The following WNK1 variants were observed in gnomAD, a reference collection of about 807,000 sequenced individuals.
WNK1 encodes the protein serine/threonine-protein kinase WNK1.
A neutral mutation model predicts 222.8 loss-of-function variants in WNK1; 38 were observed. The observed-to-expected ratio is 0.17, with a 90% confidence interval of 0.13 to 0.22. The LOEUF (loss-of-function observed/expected upper bound fraction) is 0.22. Among genes scored for constraint, WNK1 ranks in the 10% least tolerant of loss-of-function variants. WNK1 has a pLI of 1.00. For missense variants in WNK1, 2,348 were observed against 2,918.4 expected, an observed-to-expected ratio of 0.80 and a Z score of 4.50; for synonymous variants, 1,090 against 1,092.9, an observed-to-expected ratio of 1.00 and a Z score of 0.05.
chr12:766,570 C>T (rs538752862), intron 1 of WNK1, among the ~76,000 whole-genome samples: 7 of 151,944 alleles, frequency 4.6e-5, no homozygotes, highest in Admixed American at 1.3e-4. Context: ...CCTCCGCCTC[C>T]TGGGTTCAAG....
At chr12:836,727 C>G (rs1011970156) in intron 4 of WNK1, among the ~76,000 whole-genome samples, 1 of 152,154 alleles carries the variant, frequency 6.6e-6, no homozygotes, top group African/African-American at 2.4e-5. Flanking sequence ...ATTACATAAT[C>G]AAGTCATAGG....
In WNK1 at chr12:884,556, A is replaced by G. The variant is rs530132704; in HGVS notation, c.3845-93A>G. The G allele has an allele frequency of 2.2e-5, 29 of 1,296,466 alleles. No homozygotes were observed. The highest frequency in any genetic ancestry group is 1.5e-4 in the South Asian group (12 of 81,828). 80.3% of individuals were successfully genotyped at this position (1,296,466 alleles called of 1,614,324 possible). ...ACTCCATATTTTTTATCAAAAACAG[A>G]TATTTATAGGAGCTGACTTAGGCTA... On this transcript the variant is annotated intron_variant, in intron 18 of 27. Transcript: ENST00000315939. The surrounding 1 kb of genome is among the most constrained non-coding windows in gnomAD (Gnocchi z 5.6).
intron 26 of WNK1, chr12:906,223 G>A (rs1249933082): frequency 1.2e-6 from 1 of 803,068 alleles, no homozygotes; most frequent in Admixed American, 6.2e-5. Flanking sequence ...TAACACGTGA[G>A]ATCTGGTAAG....
intron 4 of WNK1, among the ~76,000 whole-genome samples, chr12:843,762 G>A (rs1565507559): frequency 6.6e-6 from 1 of 152,170 alleles, no homozygotes; most frequent in Non-Finnish European, 1.5e-5. Flanking sequence ...AACAGAATCA[G>A]CATCTCAGGG....
chr12:833,714 G>C (rs981788590), intron 4 of WNK1, among the ~76,000 whole-genome samples: 4 of 151,922 alleles, frequency 2.6e-5, no homozygotes, highest in African/African-American at 9.7e-5. Flanking sequence ...TAATGTACTT[G>C]CTTATTATTT....
chr12:859,797 C>T (rs1280072826), intron 6 of WNK1, among the ~76,000 whole-genome samples: 1 of 151,434 alleles, frequency 6.6e-6, no homozygotes, highest in Non-Finnish European at 1.5e-5. Flanking sequence ...CTTACTGCAG[C>T]CTTAAACTCC....
intron 1 of WNK1, among the ~76,000 whole-genome samples, chr12:812,471 A>G (rs993625157): frequency 2.6e-4 from 40 of 152,142 alleles, no homozygotes; most frequent in African/African-American, 9.2e-4. Flanking sequence ...GGCTTATTCT[A>G]TGGGGGATAA....
intron 4 of WNK1, among the ~76,000 whole-genome samples, chr12:839,236 A>G (rs559482780): frequency 3.9e-5 from 6 of 152,332 alleles, no homozygotes; most frequent in African/African-American, 1.4e-4. Flanking sequence ...GGAAAAGGAC[A>G]AGGCAAGGGA....
At chr12:754,547 G>A (rs72647379) in intron 1 of WNK1, among the ~76,000 whole-genome samples, 6 of 152,228 alleles carry the variant, frequency 3.9e-5, no homozygotes, top group African/African-American at 7.2e-5. Flanking sequence ...TTGCTACCGG[G>A]CAGCGGTGGT....
At chr12:817,825 C>T (rs1023499144) in intron 2 of WNK1, among the ~76,000 whole-genome samples, 1 of 107,326 alleles carries the variant, frequency 9.3e-6, no homozygotes, top group Admixed American at 1.1e-4. Context: ...TGATGGCGGG[C>T]GCCTGTAATC....
chr12:794,502 ATT>A (rs76061362), intron 1 of WNK1, among the ~76,000 whole-genome samples: 1 of 148,110 alleles, frequency 6.8e-6, no homozygotes, highest in Admixed American at 6.7e-5. Context: ...AGTTGGTTGA[ATT>A]TTTTTTTTTT....
intron 1 of WNK1, among the ~76,000 whole-genome samples, chr12:804,584 G>C (rs1946186630): frequency 6.6e-6 from 1 of 152,128 alleles, no homozygotes. Flanking sequence ...TGTTGACCAT[G>C]CTGGTCTCAA....
chr12:771,644 C>T (rs12314968), intron 1 of WNK1, among the ~76,000 whole-genome samples: 8,603 of 151,752 alleles, frequency 0.057, 470 homozygotes, highest in African/African-American at 0.12. Context: ...CATATTGGCC[C>T]GGTTGATCTC....
rs1288347580 is a variant in WNK1, at chr12:879,611, ACCTCAGAT to A, written c.2415_2422del (p.Gln806SerfsTer86). 6.2e-7 allele frequency: 1 copy of A among 1,608,948 alleles called. No homozygotes were observed. Among genetic ancestry groups the A allele is most frequent in the African/African-American group, 1.4e-5 (1 of 73,310 alleles). ...AGCCAGTACCAACTATCCAAGGCGA[ACCTCAGAT>A]CCCAGTTGCGACACAACCCTCGGTT... is the stretch of plus-strand genomic sequence containing the variant. On this transcript the variant is annotated frameshift_variant, in exon 11 of 28. Transcript: ENST00000315939. LOFTEE classifies it high-confidence loss of function.
chr12:902,915 T>C (rs1473416593), intron 26 of WNK1, among the ~76,000 whole-genome samples: 1 of 152,224 alleles, frequency 6.6e-6, no homozygotes, highest in Non-Finnish European at 1.5e-5. Flanking sequence ...ATAAAGATCT[T>C]CTCTGTTAAG....
chr12:827,367 C>T lies in WNK1; in HGVS notation c.1153+105C>T, dbSNP rs923746162. 15 of 1,018,110 alleles carry T rather than the reference C, an allele frequency of 1.5e-5. No homozygotes were observed. Among genetic ancestry groups the T allele is most frequent in the Non-Finnish European group, 2.2e-5 (14 of 650,228 alleles). The allele number at this position is 1,018,110 out of a possible 1,614,324, so 63.1% of individuals were successfully genotyped here. On this transcript the variant is annotated intron_variant, in intron 3 of 27. Coordinates refer to ENST00000315939, the MANE Select transcript of WNK1 (RefSeq NM_018979.4). This position sits in a 1 kb window ranked among gnomAD's most constrained non-coding sequence, Gnocchi z 4.6. ...TAAGTGATATAAACCTTAAGAAATT[C>T]ATAGCTTGAACTCAGGAGGTGATCC...
chr12:908,566 C>T lies in WNK1; in HGVS notation c.6923C>T (p.Ala2308Val), dbSNP rs1955893159. Residue 2308 changes from alanine to valine, a missense_variant, in exon 28 of 28, where the codon GCA (alanine) becomes GTA (valine). By Grantham distance (64) the Ala-to-Val change is moderately conservative (BLOSUM62 0). This residue lies in a region of WNK1 where 55 missense variants were observed against 104.1 expected (regional missense o/e 0.53). Coordinates refer to ENST00000315939, the MANE Select transcript of WNK1 (RefSeq NM_018979.4). ...NLGGSAPISA[A>V]SATSLGHFTK... ...GGTGGCTCTGCCCCCATCTCTGCAG[C>T]ATCAGCTACCTCTCTAGGTCACTTC... 1.2e-6 allele frequency: 2 copies of T among 1,614,170 alleles called. No homozygotes were observed. Among genetic ancestry groups the T allele is most frequent in the East Asian group, 2.2e-5 (1 of 44,884 alleles).
intron 7 of WNK1, 75 bp from the exon 8 acceptor site, chr12:862,008 T>C: frequency 6.4e-7 from 1 of 1,566,068 alleles, no homozygotes; most frequent in Non-Finnish European, 8.7e-7. Context: ...GGTCTAAATA[T>C]GAGAAAATGT....
chr12:837,149 A>G (rs1949248434), intron 4 of WNK1, among the ~76,000 whole-genome samples: 1 of 152,250 alleles, frequency 6.6e-6, no homozygotes, highest in Non-Finnish European at 1.5e-5. Flanking sequence ...CCTCATGGTC[A>G]GAACAGATTT....
Sources: gnomAD v4.1 joint callset for allele counts (sites outside exome capture counted in the v4.1 genomes callset) on GRCh38, gnomAD v4.1.1 for gene constraint, gnomAD v4.1.1 regional missense constraint, Gnocchi (gnomAD v3.1) non-coding constraint, MANE v1.5 for transcripts, NCBI Gene and HGNC (gene_info 2026-07-23, HGNC 2026-07-21) for gene names.